COBL: variants seen among roughly 807,000 people sequenced by gnomAD.
COBL encodes cordon-bleu WH2 repeat protein, also known as protein cordon-bleu.
A neutral mutation model predicts 98.8 loss-of-function variants in COBL; 51 were observed. The observed-to-expected ratio is 0.52, with a 90% CI of 0.41 to 0.65. The LOEUF is 0.65. Among genes scored for constraint, COBL ranks in the 30% least tolerant of loss-of-function variants. COBL has a pLI of 0.00. For synonymous variants in COBL, 634 were observed against 651.7 expected (o/e 0.97, Z 0.41); for missense variants, 1,617 against 1,617.5 (o/e 1.00, Z 0.01).
chr7:51,301,702 G>A lies in COBL; in HGVS notation c.41+14891C>T, dbSNP rs372839772. ...CAAACCCCCACATTGCCTGCCCACC[G>A]CTACGTGGTTCCAAGCCACAGATTC... On this transcript the variant is annotated intron_variant, in intron 1 of 12. Transcript: ENST00000265136. Among the ~76,000 whole-genome samples the A allele has an allele frequency of 3.5e-4, 54 of 152,234 alleles. No individual in the cohort carries two copies. In the East Asian group the frequency reaches 7.5e-3, roughly 21 times the overall value.
intron 7 of COBL, among the ~76,000 whole-genome samples, chr7:51,063,579 G>C (rs1446950667): frequency 2.0e-5 from 3 of 152,234 alleles, no homozygotes; most frequent in African/African-American, 7.2e-5. Context: ...GAGGTCTGCA[G>C]ACAGCAGTAG....
intron 1 of COBL, among the ~76,000 whole-genome samples, chr7:51,266,889 G>A (rs1442515465): frequency 1.3e-5 from 2 of 152,128 alleles, no homozygotes; most frequent in African/African-American, 2.4e-5. Context: ...TTTGCAAAAT[G>A]AGTCCCATTT....
At chr7:51,254,103 G>A (rs569352338) in intron 1 of COBL, among the ~76,000 whole-genome samples, 2 of 150,946 alleles carry the variant, frequency 1.3e-5, no homozygotes, top group East Asian at 2.0e-4. Context: ...GCAAATATGT[G>A]TTTATTCTTA....
At position 51,025,386 on chromosome 7, in the gene COBL, G is replaced by A; in HGVS notation, c.3505-14C>T. ...AGAGGATGCCACCTGGCAATGAGAT[G>A]ATTAAATGACTGCTATAGAGTGAAT... is the stretch of plus-strand genomic sequence containing the variant. On this transcript the variant is annotated splice_polypyrimidine_tract_variant and intron_variant, in intron 11 of 12. Coordinates refer to ENST00000265136, the MANE Select transcript of COBL (RefSeq NM_015198.5). 1.2e-6 allele frequency: 2 copies of A among 1,612,928 alleles called. No homozygotes were observed. The highest frequency in any genetic ancestry group is 1.7e-6 in the Non-Finnish European group (2 of 1,179,884).
In COBL at chr7:51,028,933, G is replaced by C; in HGVS notation, c.2163C>G (p.Asp721Glu). The C allele has an allele frequency of 6.2e-7, 1 of 1,614,198 alleles. No homozygotes were observed. The highest frequency in any genetic ancestry group is 8.5e-7 in the Non-Finnish European group (1 of 1,180,034). Residue 721 changes from aspartate to glutamate, a missense_variant, in exon 10 of 13, where the codon GAC becomes GAG. By Grantham distance (45) the Asp-to-Glu change is conservative. Transcript: ENST00000265136. The stretch of plus-strand genomic sequence containing the variant: ...CTCCGGTGGAGAGGGACACATCTCT[G>C]TCGTAACATCGCATCTCTGACTTTG... ...IPPKSEMRCYDRDVSLSTGAI... is the reference protein window; with the variant it reads ...IPPKSEMRCYERDVSLSTGAI...
intron 8 of COBL, among the ~76,000 whole-genome samples, chr7:51,036,933 A>G (rs1248826459): frequency 6.6e-6 from 1 of 152,202 alleles, no homozygotes; most frequent in Non-Finnish European, 1.5e-5. Context: ...ATACACAGTT[A>G]GATATTGCCT....
intron 6 of COBL, among the ~76,000 whole-genome samples, chr7:51,121,824 A>C (rs1416584007): frequency 1.3e-5 from 2 of 152,222 alleles, no homozygotes; most frequent in African/African-American, 4.8e-5. Flanking sequence ...ATAAAGTTGC[A>C]AAATGTAAAG....
chr7:51,271,399 A>C (rs1798744250), intron 1 of COBL, among the ~76,000 whole-genome samples: 1 of 152,202 alleles, frequency 6.6e-6, no homozygotes, highest in South Asian at 2.1e-4. Context: ...ACTCCTTAGT[A>C]AGCCCCAACA....
intron 1 of COBL, among the ~76,000 whole-genome samples, chr7:51,303,625 G>A (rs1200169641): frequency 6.6e-6 from 1 of 152,190 alleles, no homozygotes; most frequent in Non-Finnish European, 1.5e-5. Context: ...TTTATATGAA[G>A]TTAATGTGCC....
At chr7:51,204,554 CT>C (rs540131673) in intron 2 of COBL, among the ~76,000 whole-genome samples, 1,982 of 137,418 alleles carry the variant, frequency 0.014, 24 homozygotes, top group African/African-American at 0.038. Flanking sequence ...AAATCAGTGG[CT>C]TTTTTTTTTT....
intron 6 of COBL, among the ~76,000 whole-genome samples, chr7:51,113,518 G>A (rs572025111): frequency 6.6e-6 from 1 of 152,164 alleles, no homozygotes; most frequent in East Asian, 1.9e-4. Context: ...TCAATTCCAC[G>A]GCTTAAAATT....
chr7:51,275,893 C>T (rs1462378847), intron 1 of COBL, among the ~76,000 whole-genome samples: 2 of 152,136 alleles, frequency 1.3e-5, no homozygotes, highest in Non-Finnish European at 2.9e-5. Context: ...TTTTCTTTTC[C>T]TCTGACCTGC....
At chr7:51,204,795 C>T (rs991279139) in intron 2 of COBL, among the ~76,000 whole-genome samples, 24 of 152,038 alleles carry the variant, frequency 1.6e-4, no homozygotes, top group Non-Finnish European at 2.2e-4. Flanking sequence ...GTGATCCATC[C>T]GCCTTGGCCT....
At chr7:51,070,523 A>T (rs933859044) in intron 7 of COBL, among the ~76,000 whole-genome samples, 3 of 152,072 alleles carry the variant, frequency 2.0e-5, no homozygotes, top group African/African-American at 7.2e-5. Context: ...AGACATCTTG[A>T]ATACTTGTTT....
chr7:51,269,444 C>T (rs972196946), intron 1 of COBL, among the ~76,000 whole-genome samples: 7 of 152,162 alleles, frequency 4.6e-5, no homozygotes, highest in Non-Finnish European at 8.8e-5. Flanking sequence ...AGGGTCCAGA[C>T]GCAACTGCCA....
intron 5 of COBL, among the ~76,000 whole-genome samples, chr7:51,154,433 A>G (rs1353152378): frequency 1.3e-5 from 2 of 152,244 alleles, no homozygotes; most frequent in Non-Finnish European, 2.9e-5. Flanking sequence ...TCACAGTTCC[A>G]TGGGAGCAAA....
intron 7 of COBL, among the ~76,000 whole-genome samples, chr7:51,052,507 A>G (rs1790342043): frequency 6.6e-6 from 1 of 152,150 alleles, no homozygotes; most frequent in South Asian, 2.1e-4. Context: ...CTGGGGCCTC[A>G]CCTTTGAGGG....
At chr7:51,118,087 G>A (rs997822421) in intron 6 of COBL, among the ~76,000 whole-genome samples, 7 of 152,244 alleles carry the variant, frequency 4.6e-5, no homozygotes, top group South Asian at 2.1e-4. Context: ...TCCAGAGGGC[G>A]GTGGCTGTCC....
intron 5 of COBL, among the ~76,000 whole-genome samples, chr7:51,169,045 C>T (rs1287737979): frequency 1.3e-5 from 2 of 152,122 alleles, no homozygotes; most frequent in Non-Finnish European, 1.5e-5. Context: ...ATTACACCCT[C>T]CAGCATTAAC....
Sources: gnomAD v4.1 joint callset for allele counts (sites outside exome capture counted in the v4.1 genomes callset) on GRCh38, gnomAD v4.1.1 for gene constraint, MANE v1.5 for transcripts, NCBI Gene and HGNC (gene_info 2026-07-23, HGNC 2026-07-21) for gene names.